Variants in GCDH observed in about 807,000 individuals in gnomAD.
The protein encoded by GCDH is glutaryl-CoA dehydrogenase, mitochondrial.
In GCDH, 31 loss-of-function variants were observed where a neutral mutation model predicts 52.8. The observed-to-expected ratio is 0.59, with a 90% confidence interval of 0.44 to 0.79. GCDH has a LOEUF of 0.79. GCDH is among the 30% of genes least tolerant of loss of function. The probability of loss-of-function intolerance (pLI) is 0.00; values close to 1 mark genes in which losing one functional copy is unlikely to be tolerated. For missense variants in GCDH, 509 were observed against 595.0 expected, an observed-to-expected ratio of 0.86 and a Z score of 1.50; for synonymous variants, 242 against 250.0, an observed-to-expected ratio of 0.97 and a Z score of 0.30.
chr19:12,896,345 C>T lies in GCDH; in HGVS notation c.776C>T (p.Ser259Leu), dbSNP rs367699815. The change falls in exon 8 of 12, where the codon TCA becomes TTA. Residue 259 changes from serine (S) to leucine (L), a missense_variant. Physicochemically the swap from Ser to Leu is moderately radical, Grantham distance 145. Transcript: ENST00000222214. This position sits in a 1 kb window ranked among gnomAD's most constrained non-coding sequence, Gnocchi z 5.5. ...RIQGKFSLRA[S>L]ATGMIIMDGV... ...CAGGGCAAGTTCTCGCTGCGGGCCT[C>T]AGCCACAGGCATGATCATCATGGAC... 5.0e-6 allele frequency: 8 copies of T among 1,614,166 alleles called. No individual in the cohort carries two copies. Among genetic ancestry groups the T allele is most frequent in the Non-Finnish European group, 6.8e-6 (8 of 1,180,030 alleles).
Position 12,896,188 on chromosome 19 carries a change from G to A in GCDH, c.636-17G>A, listed in dbSNP as rs753276983. 6.2e-6 allele frequency: 10 copies of A among 1,613,936 alleles called. No individual in the cohort carries two copies. Among genetic ancestry groups the A allele is most frequent in the African/African-American group, 2.7e-5 (2 of 74,916 alleles). Reference sequence around the variant, plus strand: ...AGGGGCACTGGTCAGACCCCTCACCGACTGTTCCATCCCCAGGATCACGAA... The same window carrying A: ...AGGGGCACTGGTCAGACCCCTCACCAACTGTTCCATCCCCAGGATCACGAA... On this transcript the variant is annotated splice_polypyrimidine_tract_variant and intron_variant, in intron 7 of 11. Transcript: ENST00000222214. The surrounding 1 kb of genome is among the most constrained non-coding windows in gnomAD (Gnocchi z 5.5).
chr19:12,898,721 A>G (rs1970756021), intron 11 of GCDH: 1 of 157,580 alleles, frequency 6.3e-6, no homozygotes, highest in Non-Finnish European at 1.4e-5. Flanking sequence ...GTTAGAAGTT[A>G]TGATGAGCTA....
chr19:12,895,212 G>A (rs968616915), intron 6 of GCDH, among the ~76,000 whole-genome samples: 47 of 152,240 alleles, frequency 3.1e-4, no homozygotes, highest in African/African-American at 1.1e-3. Context: ...CTTGAAAGCA[G>A]GGCCAGATCT....
chr19:12,896,980 G>C lies in GCDH; in HGVS notation c.923G>C (p.Cys308Ser), dbSNP rs1205368991. 6 of 1,612,760 alleles carry C rather than the reference G, an allele frequency of 3.7e-6. No individual in the cohort carries two copies. Among genetic ancestry groups the C allele is most frequent in the African/African-American group, 2.7e-5 (2 of 74,922 alleles). Residue 308 changes from cysteine (C) to serine (S), a missense_variant, in exon 9 of 12, where the codon TGC becomes TCC. Cys to Ser is a moderately radical substitution (Grantham distance 112). Coordinates refer to ENST00000222214, the MANE Select transcript of GCDH (RefSeq NM_000159.4). The surrounding 1 kb of genome is among the most constrained non-coding windows in gnomAD (Gnocchi z 5.5). ...AWGVLGASEF[C>S]LHTARQYALD... ...GGCGTGCTTGGAGCTTCGGAGTTCT[G>C]CTTGCACACAGCCCGGCAGTACGCC...
intron 9 of GCDH, 126 bp downstream of exon 9, chr19:12,897,139 G>A (rs1333799249): frequency 2.1e-5 from 25 of 1,184,350 alleles, no homozygotes; most frequent in Admixed American, 3.9e-5. Flanking sequence ...AATGACCAGT[G>A]ACGTCCTTCT....
At chr19:12,892,727 C>T (rs1460453639) in intron 5 of GCDH, among the ~76,000 whole-genome samples, 10 of 146,738 alleles carry the variant, frequency 6.8e-5, no homozygotes, top group African/African-American at 2.0e-4. Flanking sequence ...GGATTACAGG[C>T]GTCCGCCACC....
rs952257144 is a variant in GCDH, at chr19:12,891,190, G to C, written c.-47G>C. 2.6e-6 allele frequency: 2 copies of C among 774,618 alleles called. No individual in the cohort carries two copies. Among genetic ancestry groups the C allele is most frequent in the African/African-American group, 1.7e-5 (1 of 58,648 alleles). 48.0% of individuals were successfully genotyped at this position (774,618 alleles called of 1,614,324 possible). On this transcript the variant is annotated 5_prime_UTR_variant, in exon 1 of 12. Coordinates refer to ENST00000222214, the MANE Select transcript of GCDH (RefSeq NM_000159.4). The stretch of plus-strand genomic sequence containing the variant: ...CACTGTAGCCTCGGCAGTGAACCGG[G>C]AGGTACTACCAGGTAAGGAAGGTGC...
At chr19:12,892,402 C>T (rs1195495738) in intron 5 of GCDH, 3 of 602,734 alleles carry the variant, frequency 5.0e-6, no homozygotes, top group Non-Finnish European at 5.9e-6. Flanking sequence ...AGCGATTCTC[C>T]TGCCTCCACC....
Position 12,897,022 on chromosome 19 carries a change from GGGC to G in GCDH, c.956+10_956+12del. On this transcript the variant is annotated intron_variant, in intron 9 of 11. Transcript: ENST00000222214. ...CAGTACGCCCTCGACAGGTGTGTGA[GGGC>G]TGCAGTGAGATTCTCTGGGGGTGTG... The G allele has an allele frequency of 6.2e-7, 1 of 1,601,468 alleles. No homozygotes were observed. The highest frequency in any genetic ancestry group is 1.1e-5 in the South Asian group (1 of 90,862).
chr19:12,896,539 T>G lies in GCDH; in HGVS notation c.852+118T>G. The G allele has an allele frequency of 1.2e-6, 1 of 832,808 alleles. No individual in the cohort carries two copies. The allele number at this position is 832,808 out of a possible 1,614,324, so 51.6% of individuals were successfully genotyped here. On this transcript the variant is annotated intron_variant, in intron 8 of 11. Transcript: ENST00000222214. The surrounding 1 kb of genome is among the most constrained non-coding windows in gnomAD (Gnocchi z 5.5). ...CCTGTGGAGCCCACACAGTGGTGAT[T>G]CTTACTCAGCCGGACTCGCTGACGT...
chr19:12,897,912 G>A (rs1416993219), intron 11 of GCDH, 49 bp downstream of exon 11: 1 of 1,527,202 alleles, frequency 6.5e-7, no homozygotes, highest in Admixed American at 1.7e-5. Context: ...TGTCTGGGGA[G>A]GGGGTACAGG....
At chr19:12,892,232 T>A (rs1384824159) in intron 5 of GCDH, 54 bp downstream of exon 5, 2 of 1,383,462 alleles carry the variant, frequency 1.4e-6, no homozygotes, top group African/African-American at 2.8e-5. Context: ...TCTGAAAGCC[T>A]CTTCCTCCTT....
intron 6 of GCDH, chr19:12,894,782 A>G: frequency 2.5e-6 from 2 of 793,096 alleles, no homozygotes; most frequent in Non-Finnish European, 3.9e-6. Context: ...GGCCAAGAGA[A>G]TGAAGGAGGC....
intron 5 of GCDH, chr19:12,892,526 A>C: frequency 2.7e-6 from 1 of 364,010 alleles, no homozygotes; most frequent in Non-Finnish European, 5.2e-6. Flanking sequence ...TCCTGACCTC[A>C]GGTGATCCGC....
At chr19:12,893,196 CT>C (rs939851881) in intron 5 of GCDH, among the ~76,000 whole-genome samples, 1 of 152,148 alleles carries the variant, frequency 6.6e-6, no homozygotes, top group African/African-American at 2.4e-5. Flanking sequence ...CCCTTTGTTT[CT>C]TTTTTTAGAG....
chr19:12,897,832 C>CA lies in GCDH; in HGVS notation c.1213dup (p.Met405AsnfsTer14), dbSNP rs1377352983. The CA allele has an allele frequency of 1.2e-6, 2 of 1,613,834 alleles. No individual in the cohort carries two copies. Among genetic ancestry groups the CA allele is most frequent in the Non-Finnish European group, 1.7e-6 (2 of 1,179,942 alleles). Reference sequence around the variant, plus strand: ...ACGAGTATCACGTGATCCGGCACGCCATGAACCTGGAGGCCGTGAACACCT... The same window carrying CA: ...ACGAGTATCACGTGATCCGGCACGCCAATGAACCTGGAGGCCGTGAACACCT... On this transcript the variant is annotated frameshift_variant, in exon 11 of 12. Coordinates refer to ENST00000222214, the MANE Select transcript of GCDH (RefSeq NM_000159.4). LOFTEE classifies it high-confidence loss of function.
rs1970676135 is a variant in GCDH at position 12,896,262 on chromosome 19, C to T, written c.693C>T (p.Gly231=). 1 of 1,612,762 alleles carries T rather than the reference C, an allele frequency of 6.2e-7. No individual in the cohort carries two copies. The highest frequency in any genetic ancestry group is 1.7e-5 in the Admixed American group (1 of 59,888). Reference sequence around the variant, plus strand: ...TAGTGTGGGCTCGGTGTGAAGATGGCTGCATTCGGGGCTTCCTGCTGGAGA... The same window carrying T: ...TAGTGTGGGCTCGGTGTGAAGATGGTTGCATTCGGGGCTTCCTGCTGGAGA... The part of the protein sequence containing the change: ...LFVVWARCED[G]CIRGFLLEKG... Residue 231 remains glycine (G), a synonymous_variant, in exon 8 of 12, where the codon GGC becomes GGT. Transcript: ENST00000222214. The surrounding 1 kb of genome is among the most constrained non-coding windows in gnomAD (Gnocchi z 5.5).
At chr19:12,899,147 C>T (rs756872756) in intron 11 of GCDH, 21 of 601,080 alleles carry the variant, frequency 3.5e-5, no homozygotes, top group South Asian at 1.0e-4. Context: ...GTGGGGAGCA[C>T]GAAGCCTGGG....
At chr19:12,897,966 T>A in intron 11 of GCDH, 103 bp downstream of exon 11, 1 of 966,602 alleles carries the variant, frequency 1.0e-6, no homozygotes, top group Non-Finnish European at 1.6e-6. Flanking sequence ...CACCTATCAC[T>A]AAGTGACAGT....
Sources: gnomAD v4.1 joint callset for allele counts (sites outside exome capture counted in the v4.1 genomes callset) on GRCh38, gnomAD v4.1.1 for gene constraint, Gnocchi (gnomAD v3.1) non-coding constraint, MANE v1.5 for transcripts, NCBI Gene and HGNC (gene_info 2026-07-23, HGNC 2026-07-21) for gene names.